Variants in JAKMIP1 observed in about 807,000 individuals in gnomAD.
JAKMIP1 encodes the protein janus kinase and microtubule-interacting protein 1.
JAKMIP1 carries 33 observed loss-of-function variants against 113.0 expected under a neutral mutation model. The observed-to-expected ratio is 0.29, with a 90% CI of 0.22 to 0.39. JAKMIP1 has a LOEUF of 0.39. Among genes scored for constraint, JAKMIP1 ranks in the 10% least tolerant of loss-of-function variants. The pLI is 1.00. For missense variants in JAKMIP1, 813 were observed against 1,080.5 expected (o/e 0.75, Z 3.47); for synonymous variants, 480 against 459.9 (o/e 1.04, Z -0.56).
In JAKMIP1 at chr4:6,080,350, C is replaced by T. The variant is rs376330250; in HGVS notation, c.1102-38G>A. On this transcript the variant is annotated intron_variant, in intron 6 of 20. Coordinates refer to ENST00000409021, the MANE Select transcript of JAKMIP1 (RefSeq NM_001099433.2). This position sits in a 1 kb window ranked among gnomAD's most constrained non-coding sequence, Gnocchi z 6.0. ...GGAGACAGACCACCACAGGGTTACC[C>T]GCCAACAGTGTTTGTTAGGGACAGT... 8.0e-5 allele frequency: 128 copies of T among 1,605,334 alleles called. No homozygotes were observed. Among genetic ancestry groups the T allele is most frequent in the Non-Finnish European group, 1.1e-4 (124 of 1,175,338 alleles).
At chr4:6,079,983 G>T (rs1720267187) in intron 7 of JAKMIP1, among the ~76,000 whole-genome samples, 189 bp downstream of exon 7, 3 of 152,212 alleles carry the variant, frequency 2.0e-5, no homozygotes, top group Admixed American at 2.0e-4. Context: ...TTTAAGCCAA[G>T]GCTGCTTAGT....
At position 6,196,502 on chromosome 4, in the gene JAKMIP1, C is replaced by T. The variant is rs186296902; in HGVS notation, c.-148+3751G>A. On this transcript the variant is annotated intron_variant, in intron 1 of 20. Coordinates refer to ENST00000409021, the MANE Select transcript of JAKMIP1 (RefSeq NM_001099433.2). ...GCCCTGGGGTCACTGTCTGAGCCTCCACTTACAGCAACACCAATGGCCACT... is the reference window on the plus strand; with the variant it reads ...GCCCTGGGGTCACTGTCTGAGCCTCTACTTACAGCAACACCAATGGCCACT... Among the ~76,000 whole-genome samples the T allele has an allele frequency of 5.6e-3, 852 of 152,338 alleles. 8 individuals are homozygous for T. Among genetic ancestry groups the T allele is most frequent in the South Asian group, 0.019 (90 of 4,834 alleles).
At position 6,082,359 on chromosome 4, in the gene JAKMIP1, C is replaced by T. The variant is rs528919836; in HGVS notation, c.955-604G>A. ...ACCATGTGACCCATGCATTCTACTTCTAGAAACCTACCGCCCCCCCAAAAA... is the reference window on the plus strand; with the variant it reads ...ACCATGTGACCCATGCATTCTACTTTTAGAAACCTACCGCCCCCCCAAAAA... On this transcript the variant is annotated intron_variant, in intron 5 of 20. Coordinates refer to ENST00000409021, the MANE Select transcript of JAKMIP1 (RefSeq NM_001099433.2). Among the ~76,000 whole-genome samples, 20 of 151,930 alleles carry T rather than the reference C, an allele frequency of 1.3e-4. No homozygotes were observed. In the South Asian group the frequency reaches 2.1e-3, roughly 16 times the overall value.
intron 3 of JAKMIP1, among the ~76,000 whole-genome samples, chr4:6,100,677 C>T (rs1246106604): frequency 6.6e-6 from 1 of 152,056 alleles, no homozygotes; most frequent in Non-Finnish European, 1.5e-5. Context: ...GTGGCTATAC[C>T]ATTTTAAAGT....
At chr4:6,145,968 A>C (rs1254717495) in intron 1 of JAKMIP1, among the ~76,000 whole-genome samples, 1 of 152,174 alleles carries the variant, frequency 6.6e-6, no homozygotes, top group African/African-American at 2.4e-5. Context: ...CTGAGGATGA[A>C]GGCTTCGACA....
rs1056607485 is a variant in JAKMIP1, at chr4:6,155,302, A to AACC, written c.-147-42308_-147-42306dup. Among the ~76,000 whole-genome samples the AACC allele has an allele frequency of 6.6e-6, 1 of 152,032 alleles. No homozygotes were observed. The highest frequency in any genetic ancestry group is 1.5e-5 in the Non-Finnish European group (1 of 67,996). ...CTTTTAATACCAGCAACCACCACTC[A>AACC]ACCACCACCACCGCGAATGTTTACC... is the stretch of plus-strand genomic sequence containing the variant. On this transcript the variant is annotated intron_variant, in intron 1 of 20. Coordinates refer to ENST00000409021, the MANE Select transcript of JAKMIP1 (RefSeq NM_001099433.2). This position sits in a 1 kb window ranked among gnomAD's most constrained non-coding sequence, Gnocchi z 6.1.
chr4:6,135,961 C>T lies in JAKMIP1; in HGVS notation c.-147-22964G>A, dbSNP rs775803405. The stretch of plus-strand genomic sequence containing the variant: ...AATGAAGTGTCCCTTCAACATGGAC[C>T]GAGGCTGGGCACAGTGGCTCACACC... On this transcript the variant is annotated intron_variant, in intron 1 of 20. Coordinates refer to ENST00000409021, the MANE Select transcript of JAKMIP1 (RefSeq NM_001099433.2). The surrounding 1 kb of genome is among the most constrained non-coding windows in gnomAD (Gnocchi z 4.9). Among the ~76,000 whole-genome samples, 15 of 152,048 alleles carry T rather than the reference C, an allele frequency of 9.9e-5. No homozygotes were observed. The highest frequency in any genetic ancestry group is 2.9e-4 in the African/African-American group (12 of 41,386).
At chr4:6,066,677 C>G (rs1207957393) in intron 8 of JAKMIP1, among the ~76,000 whole-genome samples, 1 of 146,170 alleles carries the variant, frequency 6.8e-6, no homozygotes, top group African/African-American at 2.7e-5. Flanking sequence ...CCTGCCCTCC[C>G]TGGGAGAAAC....
chr4:6,045,132 C>T (rs1323726241), intron 16 of JAKMIP1, among the ~76,000 whole-genome samples: 4 of 152,256 alleles, frequency 2.6e-5, no homozygotes, highest in African/African-American at 4.8e-5. Context: ...CCCAAGGCTT[C>T]GACTCACGGC....
At chr4:6,120,449 G>C (rs1167721078) in intron 1 of JAKMIP1, among the ~76,000 whole-genome samples, 1 of 152,142 alleles carries the variant, frequency 6.6e-6, no homozygotes, top group Non-Finnish European at 1.5e-5. Context: ...TGGAAAACTG[G>C]AAATAACCTC....
intron 3 of JAKMIP1, among the ~76,000 whole-genome samples, chr4:6,103,861 T>C (rs972871991): frequency 6.6e-6 from 1 of 152,214 alleles, no homozygotes; most frequent in Non-Finnish European, 1.5e-5. Flanking sequence ...ATTAGTAATT[T>C]ATTGTCTCTG....
intron 3 of JAKMIP1, among the ~76,000 whole-genome samples, chr4:6,102,522 C>T (rs1238272346): frequency 1.3e-5 from 2 of 152,054 alleles, no homozygotes; most frequent in Non-Finnish European, 2.9e-5. Flanking sequence ...AAACTGGACC[C>T]TTGCCAGATA....
Position 6,081,040 on chromosome 4 carries a change from A to C in JAKMIP1, c.1101+569T>G, listed in dbSNP as rs1373928664. Among the ~76,000 whole-genome samples the C allele has an allele frequency of 1.4e-5, 2 of 141,026 alleles. No homozygotes were observed. The highest frequency in any genetic ancestry group is 4.0e-4 in the East Asian group (2 of 4,946). 92.5% of individuals were successfully genotyped at this position (141,026 alleles called of 152,430 possible). A position where few individuals can be genotyped will look rare whatever the true frequency, so the allele number is the denominator to read the frequency against. On this transcript the variant is annotated intron_variant, in intron 6 of 20. Transcript: ENST00000409021. This position sits in a 1 kb window ranked among gnomAD's most constrained non-coding sequence, Gnocchi z 4.6. ...CTGCATCTGCTACAGTGCAGACAGC[A>C]GAGCATGTGTGGTGACAGAGCCTCC...
Position 6,179,350 on chromosome 4 carries a change from C to A in JAKMIP1, c.-148+20903G>T, listed in dbSNP as rs899631552. 2.0e-5 allele frequency among the ~76,000 whole-genome samples: 3 copies of A among 152,168 alleles called. No homozygotes were observed. The highest frequency in any genetic ancestry group is 4.4e-5 in the Non-Finnish European group (3 of 68,034). ...GAGGCTTAAAGAGGAACCTAAAGCA[C>A]CTGCTCAGGTGAGTACTCAGTAAAT... On this transcript the variant is annotated intron_variant, in intron 1 of 20. Coordinates refer to ENST00000409021, the MANE Select transcript of JAKMIP1 (RefSeq NM_001099433.2). The surrounding 1 kb of genome is among the most constrained non-coding windows in gnomAD (Gnocchi z 4.5).
chr4:6,040,523 A>G lies in JAKMIP1; in HGVS notation c.2175+116T>C, dbSNP rs957794333. 8.1e-6 allele frequency: 6 copies of G among 739,150 alleles called. No individual in the cohort carries two copies. Among genetic ancestry groups the G allele is most frequent in the Admixed American group, 4.0e-5 (2 of 50,084 alleles). 45.8% of individuals were successfully genotyped at this position (739,150 alleles called of 1,614,324 possible). On this transcript the variant is annotated intron_variant, in intron 18 of 20. Transcript: ENST00000409021. This position sits in a 1 kb window ranked among gnomAD's most constrained non-coding sequence, Gnocchi z 5.8. Reference sequence around the variant, plus strand: ...GTCACAAGGTGGAGATGGCATTTTTATCACTCCTGTTTGGCACTGGGGAGC... The same window carrying G: ...GTCACAAGGTGGAGATGGCATTTTTGTCACTCCTGTTTGGCACTGGGGAGC...
At position 6,197,022 on chromosome 4, in the gene JAKMIP1, A is replaced by C. The variant is rs996285522; in HGVS notation, c.-148+3231T>G. Among the ~76,000 whole-genome samples the C allele has an allele frequency of 1.2e-4, 19 of 152,164 alleles. No individual in the cohort carries two copies. Among genetic ancestry groups the C allele is most frequent in the Non-Finnish European group, 2.5e-4 (17 of 68,044 alleles). On this transcript the variant is annotated intron_variant, in intron 1 of 20. Transcript: ENST00000409021. This position sits in a 1 kb window ranked among gnomAD's most constrained non-coding sequence, Gnocchi z 6.5. ...CACTTCTGAGTCCCCCAGTGTCCTGAGACTTGGCTCCCTCTGCGGTGTTCA... is the reference window on the plus strand; with the variant it reads ...CACTTCTGAGTCCCCCAGTGTCCTGCGACTTGGCTCCCTCTGCGGTGTTCA...
intron 2 of JAKMIP1, among the ~76,000 whole-genome samples, chr4:6,110,145 C>T (rs1714678478): frequency 6.6e-6 from 1 of 152,152 alleles, no homozygotes; most frequent in South Asian, 2.1e-4. Context: ...ATGTTGAAGT[C>T]CTAACCCCCA....
Position 6,050,001 on chromosome 4 carries a change from G to T in JAKMIP1, c.1909-129C>A. The T allele has an allele frequency of 1.5e-6, 1 of 666,362 alleles. No individual in the cohort carries two copies. The highest frequency in any genetic ancestry group is 2.7e-5 in the East Asian group (1 of 36,716). The allele number at this position is 666,362 out of a possible 1,614,324, so 41.3% of individuals were successfully genotyped here. On this transcript the variant is annotated intron_variant, in intron 14 of 20. Coordinates refer to ENST00000409021, the MANE Select transcript of JAKMIP1 (RefSeq NM_001099433.2). The surrounding 1 kb of genome is among the most constrained non-coding windows in gnomAD (Gnocchi z 7.4). Reference sequence around the variant, plus strand: ...CTTTTCTTTTCTGGCCAAGTTTTGCGCCCAGCCGTTCCTCTGGGGAGTGAG... The same window carrying T: ...CTTTTCTTTTCTGGCCAAGTTTTGCTCCCAGCCGTTCCTCTGGGGAGTGAG...
Position 6,061,563 on chromosome 4 carries a change from C to T in JAKMIP1, c.1560+749G>A, listed in dbSNP as rs1578124166. Among the ~76,000 whole-genome samples, 1 of 152,212 alleles carries T rather than the reference C, an allele frequency of 6.6e-6. No individual in the cohort carries two copies. Among genetic ancestry groups the T allele is most frequent in the South Asian group, 2.1e-4 (1 of 4,830 alleles). The stretch of plus-strand genomic sequence containing the variant: ...CAGGCCCTGAGTCCGAGAAACCTGG[C>T]CTCGACTCCCAGCTCTGTTCAGCAT... On this transcript the variant is annotated intron_variant, in intron 10 of 20. Transcript: ENST00000409021. The surrounding 1 kb of genome is among the most constrained non-coding windows in gnomAD (Gnocchi z 5.3).
Sources: gnomAD v4.1 joint callset for allele counts (sites outside exome capture counted in the v4.1 genomes callset) on GRCh38, gnomAD v4.1.1 for gene constraint, Gnocchi (gnomAD v3.1) non-coding constraint, MANE v1.5 for transcripts, NCBI Gene and HGNC (gene_info 2026-07-23, HGNC 2026-07-21) for gene names.